Variants in ADAM12 observed in about 807,000 individuals in gnomAD.
The protein encoded by ADAM12 is ADAM metallopeptidase domain 12, also known as disintegrin and metalloproteinase domain-containing protein 12.
A neutral mutation model predicts 106.4 loss-of-function variants in ADAM12; 70 were observed. The ratio of observed to expected loss-of-function variants is 0.66; its 90% CI spans 0.54 to 0.80. ADAM12 has a LOEUF of 0.80. Among genes scored for constraint, ADAM12 ranks in the 30% least tolerant of loss-of-function variants. The pLI is 0.00. For synonymous variants in ADAM12, 420 were observed against 433.5 expected, an observed-to-expected ratio of 0.97 and a Z score of 0.39; for missense variants, 1,010 against 1,171.9, an observed-to-expected ratio of 0.86 and a Z score of 2.02.
chr10:126,199,452 T>C (rs1251383417), intron 3 of ADAM12, among the ~76,000 whole-genome samples: 1 of 152,170 alleles, frequency 6.6e-6, no homozygotes, highest in African/African-American at 2.4e-5. Context: ...CTCAGCCATA[T>C]TGTCAAGTTC....
intron 14 of ADAM12, among the ~76,000 whole-genome samples, chr10:126,055,010 G>A (rs1027415291): frequency 6.6e-6 from 1 of 152,138 alleles, no homozygotes; most frequent in African/African-American, 2.4e-5. Flanking sequence ...ACACATTAAG[G>A]GCAACTAGTG....
rs1446495111 is a variant in ADAM12, at chr10:126,043,315, A to G, written c.1996-167T>C. 6.6e-6 allele frequency among the ~76,000 whole-genome samples: 1 copy of G among 152,132 alleles called. No homozygotes were observed. The highest frequency in any genetic ancestry group is 2.4e-5 in the African/African-American group (1 of 41,432). On this transcript the variant is annotated intron_variant, in intron 17 of 22. Transcript: ENST00000448723. This position sits in a 1 kb window ranked among gnomAD's most constrained non-coding sequence, Gnocchi z 4.1. ...CCAAAGCCGGCACTACACACCACAC[A>G]GGGGCGACCAAACCTGAGGCTGTGA...
At chr10:126,281,625 C>T (rs1161659361) in intron 2 of ADAM12, among the ~76,000 whole-genome samples, 1 of 152,182 alleles carries the variant, frequency 6.6e-6, no homozygotes, top group Non-Finnish European at 1.5e-5. Context: ...TTGAAGACCA[C>T]TAATTGCCTT....
intron 10 of ADAM12, among the ~76,000 whole-genome samples, chr10:126,097,802 G>A (rs1363007393): frequency 7.2e-5 from 11 of 152,120 alleles, no homozygotes; most frequent in Non-Finnish European, 1.3e-4. Context: ...CATTCATAAC[G>A]AGACCCAAAT....
chr10:126,070,659 A>G (rs567602493), intron 12 of ADAM12: 2 of 151,994 alleles, frequency 1.3e-5, no homozygotes, highest in South Asian at 4.2e-4. Context: ...CTTGTCTACT[A>G]TTTCAGCTTG....
rs1856737838 is a variant in ADAM12 at position 126,388,026 on chromosome 10, G to A, written c.88+32C>T. The A allele has an allele frequency of 2.5e-6, 3 of 1,200,234 alleles. No individual in the cohort carries two copies. The highest frequency in any genetic ancestry group is 4.4e-5 in the Admixed American group (1 of 22,662). 74.3% of individuals were successfully genotyped at this position (1,200,234 alleles called of 1,614,324 possible). A position where few individuals can be genotyped will look rare whatever the true frequency, so the allele number is the denominator to read the frequency against. On this transcript the variant is annotated intron_variant, in intron 1 of 22. Coordinates refer to ENST00000448723, the MANE Select transcript of ADAM12 (RefSeq NM_001288973.2). This position sits in a 1 kb window ranked among gnomAD's most constrained non-coding sequence, Gnocchi z 4.4. ...CAGCGTGCGGTGCCCTCGGCGGGGC[G>A]GGCAGCGAGCCGCCCTAGTTCGGCG...
intron 12 of ADAM12, among the ~76,000 whole-genome samples, chr10:126,069,348 A>G (rs1177970201): frequency 6.6e-6 from 1 of 152,264 alleles, no homozygotes; most frequent in Non-Finnish European, 1.5e-5. Flanking sequence ...CAAAGAAAGA[A>G]CTTTGGATGA....
chr10:126,112,226 G>T (rs1402827273), intron 6 of ADAM12, among the ~76,000 whole-genome samples: 1 of 152,048 alleles, frequency 6.6e-6, no homozygotes, highest in African/African-American at 2.4e-5. Context: ...CCTGTTGAGG[G>T]GTGGGGGATG....
At chr10:126,029,153 T>TA (rs1448437006) in intron 21 of ADAM12, among the ~76,000 whole-genome samples, 3 of 152,228 alleles carry the variant, frequency 2.0e-5, no homozygotes, top group Admixed American at 2.0e-4. Context: ...GGTGGGAGTG[T>TA]AAATTAGTTC....
At chr10:126,132,282 C>G (rs1474859697) in intron 5 of ADAM12, among the ~76,000 whole-genome samples, 2 of 152,166 alleles carry the variant, frequency 1.3e-5, no homozygotes, top group South Asian at 2.1e-4. Flanking sequence ...GGCAGCTTTT[C>G]TCTTCTTTAC....
intron 1 of ADAM12, among the ~76,000 whole-genome samples, chr10:126,386,873 C>A (rs1856679550): frequency 6.6e-6 from 1 of 152,160 alleles, no homozygotes; most frequent in Non-Finnish European, 1.5e-5. Context: ...TTCTTTAAAC[C>A]CTCAGCAGGA....
At chr10:126,158,519 G>C (rs1239997163) in intron 3 of ADAM12, among the ~76,000 whole-genome samples, 1 of 99,248 alleles carries the variant, frequency 1.0e-5, no homozygotes, top group Non-Finnish European at 2.3e-5. Context: ...CACAGAGCAC[G>C]GGGAGGATGC....
Position 126,032,367 on chromosome 10 carries a change from A to G in ADAM12, c.2529+3779T>C, listed in dbSNP as rs184087207. ...GAGAGAAATCACCCACTTAATCTAT[A>G]TCATATGTCTTAGAAAAGTTCCAGA... On this transcript the variant is annotated intron_variant, in intron 21 of 22. Transcript: ENST00000448723. 2.0e-4 allele frequency among the ~76,000 whole-genome samples: 30 copies of G among 152,328 alleles called. No individual in the cohort carries two copies. The East Asian group carries it at 4.8e-3, about 24-fold the overall frequency.
intron 3 of ADAM12, among the ~76,000 whole-genome samples, chr10:126,180,725 C>G (rs1021627947): frequency 6.6e-6 from 1 of 152,160 alleles, no homozygotes; most frequent in African/African-American, 2.4e-5. Context: ...TTTCCCTCTT[C>G]AATTACAAAA....
At chr10:126,316,943 A>T (rs1012724076) in intron 2 of ADAM12, among the ~76,000 whole-genome samples, 3 of 152,146 alleles carry the variant, frequency 2.0e-5, no homozygotes, top group Non-Finnish European at 4.4e-5. Flanking sequence ...TGAGAAAAAA[A>T]ATCACTAAGT....
In ADAM12 at chr10:126,380,425, T is replaced by C. The variant is rs554844779; in HGVS notation, c.88+7633A>G. Among the ~76,000 whole-genome samples the C allele has an allele frequency of 2.6e-5, 4 of 152,332 alleles. No individual in the cohort carries two copies. In the East Asian group the frequency reaches 7.7e-4, roughly 29 times the overall value. On this transcript the variant is annotated intron_variant, in intron 1 of 22. Transcript: ENST00000448723. The stretch of plus-strand genomic sequence containing the variant: ...CTAGGTTAAGATCCAGTCTCCAGCG[T>C]GAGGTAGACTAGATTGCCTTGCCTC...
At chr10:126,325,478 G>T (rs978753605) in intron 2 of ADAM12, among the ~76,000 whole-genome samples, 1 of 152,262 alleles carries the variant, frequency 6.6e-6, no homozygotes, top group Admixed American at 6.5e-5. Flanking sequence ...AAATGGAAAT[G>T]TATGGAGTAG....
At chr10:126,263,829 T>G (rs1367050110) in intron 3 of ADAM12, among the ~76,000 whole-genome samples, 2 of 152,210 alleles carry the variant, frequency 1.3e-5, no homozygotes, top group African/African-American at 4.8e-5. Flanking sequence ...AAAAAGAGAT[T>G]TATGTAATAT....
intron 4 of ADAM12, among the ~76,000 whole-genome samples, chr10:126,141,781 G>T (rs978680941): frequency 6.6e-6 from 1 of 152,202 alleles, no homozygotes; most frequent in African/African-American, 2.4e-5. Context: ...AAGTCTGTTA[G>T]GGAGTATACC....
Sources: gnomAD v4.1 joint callset for allele counts (sites outside exome capture counted in the v4.1 genomes callset) on GRCh38, gnomAD v4.1.1 for gene constraint, Gnocchi (gnomAD v3.1) non-coding constraint, MANE v1.5 for transcripts, NCBI Gene and HGNC (gene_info 2026-07-23, HGNC 2026-07-21) for gene names.